Variants in ANKRD6 observed in about 807,000 individuals in gnomAD.
The protein encoded by ANKRD6 is ankyrin repeat domain-containing protein 6.
In ANKRD6, 56 loss-of-function variants were observed where a neutral mutation model predicts 82.3. The ratio of observed to expected loss-of-function variants is 0.68; its 90% confidence interval spans 0.55 to 0.85. ANKRD6 has a LOEUF of 0.85. Among genes scored for constraint, ANKRD6 ranks in the 40% least tolerant of loss-of-function variants. ANKRD6 has a pLI of 0.00. For missense variants in ANKRD6, 852 were observed against 907.6 expected (o/e 0.94, Z 0.79); for synonymous variants, 347 against 352.1 (o/e 0.99, Z 0.16).
intron 1 of ANKRD6, among the ~76,000 whole-genome samples, chr6:89,472,306 T>A (rs1026424577): frequency 6.6e-6 from 1 of 152,174 alleles, no homozygotes; most frequent in African/African-American, 2.4e-5. Context: ...AGCTTATCCT[T>A]TTGGGGGGCA....
intron 2 of ANKRD6, among the ~76,000 whole-genome samples, chr6:89,592,245 G>C (rs1343568077): frequency 1.3e-5 from 2 of 152,346 alleles, no homozygotes; most frequent in East Asian, 3.9e-4. Flanking sequence ...CGAAGGCAAA[G>C]GTGTAGGGTG....
chr6:89,547,451 G>T (rs1361567632), intron 1 of ANKRD6, among the ~76,000 whole-genome samples: 1 of 152,202 alleles, frequency 6.6e-6, no homozygotes, highest in Non-Finnish European at 1.5e-5. Context: ...AAAGCCATCA[G>T]GTGTGGTGTC....
rs1208105069 is a variant in ANKRD6, at chr6:89,496,134, A to G, written c.-144+62759A>G. On this transcript the variant is annotated intron_variant, in intron 1 of 15. Coordinates refer to ENST00000339746, the MANE Select transcript of ANKRD6 (RefSeq NM_001242809.2). ...CCGGAGTTGTGCTTCTCCAGGTCTC[A>G]GGAACACTGACAATGGGGATTAGCA... Among the ~76,000 whole-genome samples, 11 of 152,044 alleles carry G rather than the reference A, an allele frequency of 7.2e-5. No individual in the cohort carries two copies. The East Asian group carries it at 2.1e-3, about 29-fold the overall frequency.
At chr6:89,550,638 C>G (rs1468613558) in intron 1 of ANKRD6, among the ~76,000 whole-genome samples, 3 of 152,114 alleles carry the variant, frequency 2.0e-5, no homozygotes, top group African/African-American at 7.2e-5. Context: ...TAAGTGTACA[C>G]TTTTCTATAT....
chr6:89,511,195 A>C (rs1012768700), intron 1 of ANKRD6, among the ~76,000 whole-genome samples: 2 of 151,958 alleles, frequency 1.3e-5, no homozygotes, highest in Non-Finnish European at 2.9e-5. Flanking sequence ...CCAAATACAC[A>C]CTTTTCTCAG....
chr6:89,609,421 C>G (rs567522699), intron 5 of ANKRD6, among the ~76,000 whole-genome samples: 1 of 152,118 alleles, frequency 6.6e-6, no homozygotes, highest in African/African-American at 2.4e-5. Context: ...CCTGCCTCAC[C>G]CTCCCGAGTA....
chr6:89,570,917 A>G (rs935739585), intron 2 of ANKRD6, among the ~76,000 whole-genome samples: 1 of 152,188 alleles, frequency 6.6e-6, no homozygotes, highest in Non-Finnish European at 1.5e-5. Flanking sequence ...GAAGTGAAAT[A>G]TGGTAGTTCT....
chr6:89,458,545 A>G (rs1313006667), intron 1 of ANKRD6, among the ~76,000 whole-genome samples: 1 of 152,192 alleles, frequency 6.6e-6, no homozygotes, highest in Non-Finnish European at 1.5e-5. Flanking sequence ...CAAGAGTCCA[A>G]AAGCTGAAGA....
intron 2 of ANKRD6, among the ~76,000 whole-genome samples, chr6:89,573,030 G>A (rs1654136391): frequency 6.6e-6 from 1 of 152,004 alleles, no homozygotes; most frequent in Non-Finnish European, 1.5e-5. Flanking sequence ...GTGTGAACAC[G>A]GCTCACTGCA....
chr6:89,627,516 G>T, intron 13 of ANKRD6, 67 bp from the exon 14 acceptor site: 1 of 1,471,534 alleles, frequency 6.8e-7, no homozygotes, highest in Non-Finnish European at 9.4e-7. Flanking sequence ...CCCTCTGCAG[G>T]AGCTGAGAAG....
chr6:89,495,443 G>C (rs1391859306), intron 1 of ANKRD6, among the ~76,000 whole-genome samples: 1 of 152,136 alleles, frequency 6.6e-6, no homozygotes, highest in Admixed American at 6.5e-5. Context: ...ATAGGACCAG[G>C]GCTGAGCCCA....
Position 89,568,464 on chromosome 6 carries a change from C to T in ANKRD6, c.120+1368C>T, listed in dbSNP as rs116925908. Among the ~76,000 whole-genome samples the T allele has an allele frequency of 6.2e-3, 937 of 152,218 alleles. 3 individuals are homozygous for T. The highest frequency in any genetic ancestry group is 9.8e-3 in the Non-Finnish European group (667 of 68,006). On this transcript the variant is annotated intron_variant, in intron 2 of 15. Transcript: ENST00000339746. ...AACAGCTTTATTAAGATATAATTTA[C>T]GTTCATTAAATTCACCTATTTTAAT...
intron 1 of ANKRD6, among the ~76,000 whole-genome samples, chr6:89,564,044 G>C (rs1318416978): frequency 6.6e-6 from 1 of 152,236 alleles, no homozygotes. Context: ...GCAGGTGAAG[G>C]CTGGAGATCC....
At chr6:89,545,444 A>G (rs1240099646) in intron 1 of ANKRD6, among the ~76,000 whole-genome samples, 5 of 152,176 alleles carry the variant, frequency 3.3e-5, no homozygotes, top group Non-Finnish European at 7.3e-5. Flanking sequence ...GTGAGGTGCT[A>G]TGTAGCTCTA....
intron 3 of ANKRD6, chr6:89,601,714 G>T (rs1316322279): frequency 6.6e-6 from 1 of 152,020 alleles, no homozygotes; most frequent in Non-Finnish European, 1.5e-5. Context: ...TCACATTGTT[G>T]TGCAACCATC....
intron 2 of ANKRD6, among the ~76,000 whole-genome samples, chr6:89,568,765 A>ATTTT (rs1266438202): frequency 6.6e-6 from 1 of 152,022 alleles, no homozygotes; most frequent in Non-Finnish European, 1.5e-5. Context: ...AGCTAGGAAA[A>ATTTT]GGGCCCCCAC....
At chr6:89,511,085 G>T (rs1235911098) in intron 1 of ANKRD6, among the ~76,000 whole-genome samples, 3 of 152,182 alleles carry the variant, frequency 2.0e-5, no homozygotes, top group African/African-American at 7.2e-5. Flanking sequence ...CCTTGACATG[G>T]GGTAAGTCAT....
At chr6:89,598,503 G>A (rs1796379442) in intron 3 of ANKRD6, 1 of 877,420 alleles carries the variant, frequency 1.1e-6, no homozygotes, top group South Asian at 5.3e-5. Context: ...GCCACATGGG[G>A]GTGTTTCCTC....
chr6:89,625,542 CAT>C (rs749904285), intron 13 of ANKRD6, among the ~76,000 whole-genome samples: 62 of 152,226 alleles, frequency 4.1e-4, no homozygotes, highest in South Asian at 6.2e-4. Flanking sequence ...CTCTGACACA[CAT>C]GTTTTTTTAA....
Sources: gnomAD v4.1 joint callset for allele counts (sites outside exome capture counted in the v4.1 genomes callset) on GRCh38, gnomAD v4.1.1 for gene constraint, MANE v1.5 for transcripts, NCBI Gene and HGNC (gene_info 2026-07-23, HGNC 2026-07-21) for gene names.